Variants in ZHX2 observed in about 807,000 individuals in gnomAD.
ZHX2 encodes zinc fingers and homeoboxes protein 2.
In ZHX2, 6 loss-of-function variants were observed where a neutral mutation model predicts 21.9. The ratio of observed to expected loss-of-function variants is 0.27; its 90% CI spans 0.15 to 0.54. ZHX2 has a LOEUF of 0.54. ZHX2 is among the 20% of genes least tolerant of loss of function. The probability of loss-of-function intolerance (pLI) is 0.95; values close to 1 mark genes in which losing one functional copy is unlikely to be tolerated. For synonymous variants in ZHX2, 434 were observed against 437.1 expected (o/e 0.99, Z 0.09); for missense variants, 908 against 1,090.7 (o/e 0.83, Z 2.36).
At chr8:122,887,126 G>A (rs959054132) in intron 2 of ZHX2, among the ~76,000 whole-genome samples, 7 of 151,364 alleles carry the variant, frequency 4.6e-5, no homozygotes, top group Admixed American at 3.3e-4. Flanking sequence ...GGAAGTGGGT[G>A]TGAAGTGCAT....
chr8:122,869,908 C>T (rs1279292636), intron 2 of ZHX2, among the ~76,000 whole-genome samples: 1 of 152,120 alleles, frequency 6.6e-6, no homozygotes, highest in Admixed American at 6.5e-5. Context: ...GGGGTAGTGT[C>T]CACCACAGAG....
chr8:122,955,453 G>A (rs1813276095), intron 3 of ZHX2, among the ~76,000 whole-genome samples: 1 of 152,160 alleles, frequency 6.6e-6, no homozygotes, highest in African/African-American at 2.4e-5. Flanking sequence ...TAATGAACTT[G>A]GACAACTTTG....
intron 1 of ZHX2, among the ~76,000 whole-genome samples, chr8:122,787,705 T>A (rs1279741154): frequency 1.3e-5 from 2 of 152,288 alleles, no homozygotes; most frequent in Admixed American, 6.5e-5. Context: ...AGGGGCCACT[T>A]GTGAGAGACA....
intron 1 of ZHX2, among the ~76,000 whole-genome samples, chr8:122,836,871 C>A (rs558593055): frequency 6.6e-6 from 1 of 152,346 alleles, no homozygotes; most frequent in East Asian, 1.9e-4. Context: ...TCTTACACTA[C>A]TGGGCTGCAT....
chr8:122,820,165 G>A (rs1818113199), intron 1 of ZHX2, among the ~76,000 whole-genome samples: 1 of 152,148 alleles, frequency 6.6e-6, no homozygotes, highest in East Asian at 1.9e-4. Context: ...AAAGCCGGCT[G>A]CTCTCCAGTC....
intron 1 of ZHX2, among the ~76,000 whole-genome samples, chr8:122,859,617 A>G (rs1310158962): frequency 1.3e-5 from 2 of 151,948 alleles, no homozygotes; most frequent in Non-Finnish European, 2.9e-5. Context: ...GTGGGGAGAG[A>G]TGAGCAGGCA....
chr8:122,912,603 C>T (rs1000613151), intron 2 of ZHX2, among the ~76,000 whole-genome samples: 2 of 152,270 alleles, frequency 1.3e-5, no homozygotes, highest in African/African-American at 2.4e-5. Flanking sequence ...GAGACCCTGC[C>T]GAGCACCTTA....
intron 2 of ZHX2, among the ~76,000 whole-genome samples, chr8:122,917,483 C>T (rs554569615): frequency 6.6e-6 from 1 of 152,280 alleles, no homozygotes; most frequent in South Asian, 2.1e-4. Flanking sequence ...TTACTTTCTA[C>T]CATGGAGCCC....
chr8:122,849,780 T>G (rs1818842723), intron 1 of ZHX2, among the ~76,000 whole-genome samples: 1 of 152,218 alleles, frequency 6.6e-6, no homozygotes, highest in South Asian at 2.1e-4. Flanking sequence ...GACATGGACA[T>G]ATCCTTTGGG....
chr8:122,817,277 A>G (rs1341408178), intron 1 of ZHX2, among the ~76,000 whole-genome samples: 2 of 152,130 alleles, frequency 1.3e-5, no homozygotes, highest in Non-Finnish European at 2.9e-5. Flanking sequence ...AGCGATTCTT[A>G]TCACTCTTAG....
intron 2 of ZHX2, among the ~76,000 whole-genome samples, chr8:122,930,653 T>G (rs1474664943): frequency 6.6e-6 from 1 of 151,468 alleles, no homozygotes; most frequent in African/African-American, 2.4e-5. Context: ...TGTTTTTTTT[T>G]TTTTTTTATT....
intron 1 of ZHX2, among the ~76,000 whole-genome samples, chr8:122,793,786 C>T (rs1185588773): frequency 1.3e-5 from 2 of 152,170 alleles, no homozygotes; most frequent in Admixed American, 6.5e-5. Context: ...CCCTCTTAAT[C>T]GCAGAAGCTT....
chr8:122,890,918 A>G (rs1047783387), intron 2 of ZHX2, among the ~76,000 whole-genome samples: 9 of 152,084 alleles, frequency 5.9e-5, no homozygotes, highest in African/African-American at 2.2e-4. Context: ...ATGATTTTAC[A>G]TCCTCCTTTC....
At chr8:122,870,708 AG>A (rs1247207343) in intron 2 of ZHX2, among the ~76,000 whole-genome samples, 1 of 149,916 alleles carries the variant, frequency 6.7e-6, no homozygotes, top group African/African-American at 2.4e-5. Context: ...ATGGCACTGC[AG>A]GTAGGAGAAG....
At chr8:122,878,773 A>G (rs1819628942) in intron 2 of ZHX2, among the ~76,000 whole-genome samples, 2 of 152,200 alleles carry the variant, frequency 1.3e-5, no homozygotes, top group South Asian at 4.1e-4. Context: ...ACTTGTTTCT[A>G]GAAGTCTGCT....
intron 3 of ZHX2, among the ~76,000 whole-genome samples, chr8:122,970,448 C>T (rs755773738): frequency 6.6e-6 from 1 of 152,198 alleles, no homozygotes; most frequent in Non-Finnish European, 1.5e-5. Context: ...ACCCTGCCAG[C>T]AGCCCGTGGG....
chr8:122,873,242 C>T (rs1362217956), intron 2 of ZHX2, among the ~76,000 whole-genome samples: 3 of 152,216 alleles, frequency 2.0e-5, no homozygotes, highest in African/African-American at 4.8e-5. Flanking sequence ...GTGGGGAGCA[C>T]TGAACCTGGA....
intron 1 of ZHX2, chr8:122,810,458 G>C (rs1817904214): frequency 6.6e-6 from 1 of 152,336 alleles, no homozygotes; most frequent in Middle Eastern, 3.4e-3. Context: ...GATAGATACA[G>C]CTTCCTGAAA....
intron 2 of ZHX2, among the ~76,000 whole-genome samples, chr8:122,912,757 A>G (rs531059707): frequency 6.6e-6 from 1 of 152,088 alleles, no homozygotes; most frequent in Non-Finnish European, 1.5e-5. Context: ...AGCACCTACT[A>G]TGTCCCAGGT....
Sources: gnomAD v4.1 joint callset for allele counts (sites outside exome capture counted in the v4.1 genomes callset) on GRCh38, gnomAD v4.1.1 for gene constraint, MANE v1.5 for transcripts, NCBI Gene and HGNC (gene_info 2026-07-23, HGNC 2026-07-21) for gene names.